Variants in NEDD9 observed in about 807,000 individuals in gnomAD.
The protein encoded by NEDD9 is neural precursor cell expressed, developmentally down-regulated 9.
A neutral mutation model predicts 76.6 loss-of-function variants in NEDD9; 26 were observed. That is an observed-to-expected ratio of 0.34 (90% CI 0.25 to 0.47). The LOEUF is 0.47. Ranked by LOEUF, NEDD9 falls within the 20% of genes least tolerant of loss-of-function variation. The pLI is 1.00. For synonymous variants in NEDD9, 392 were observed against 414.2 expected (o/e 0.95, Z 0.65); for missense variants, 937 against 1,058.5 (o/e 0.89, Z 1.59).
At chr6:11,337,320 G>T (rs569807436) in intron 1 of NEDD9, among the ~76,000 whole-genome samples, 1 of 152,280 alleles carries the variant, frequency 6.6e-6, no homozygotes, top group South Asian at 2.1e-4. Flanking sequence ...AGGAGAAATT[G>T]TACACTCTAA....
chr6:11,261,270 A>G (rs1760108657), intron 3 of NEDD9, among the ~76,000 whole-genome samples: 1 of 152,234 alleles, frequency 6.6e-6, no homozygotes, highest in African/African-American at 2.4e-5. Context: ...ACTCCATAAC[A>G]TAAGCTAAGT....
rs1384341638 is a variant in NEDD9, at chr6:11,213,637, G to T, written c.103C>A (p.Gln35Lys). The T allele has an allele frequency of 1.2e-6, 2 of 1,614,052 alleles. No homozygotes were observed. The highest frequency in any genetic ancestry group is 3.3e-5 in the Admixed American group (2 of 60,002). Reference sequence around the variant, plus strand: ...CATCCTTCCAGTCCCCCTGTGTTCTGCTCTATGACGGTCAGGATGTCTCCC... The same window carrying T: ...CATCCTTCCAGTCCCCCTGTGTTCTTCTCTATGACGGTCAGGATGTCTCCC... The part of the protein sequence containing the change: ...RKGDILTVIE[Q>K]NTGGLEGWWL... Residue 35 changes from glutamine to lysine, a missense_variant, in exon 2 of 7, where the codon CAG becomes AAG. Gln to Lys is a moderately conservative substitution (Grantham distance 53). Coordinates refer to ENST00000379446, the MANE Select transcript of NEDD9 (RefSeq NM_006403.4). The surrounding 1 kb of genome is among the most constrained non-coding windows in gnomAD (Gnocchi z 5.4).
At chr6:11,349,510 G>A (rs903797604) in intron 1 of NEDD9, among the ~76,000 whole-genome samples, 1 of 152,174 alleles carries the variant, frequency 6.6e-6, no homozygotes, top group Non-Finnish European at 1.5e-5. Flanking sequence ...GCCAAGACAT[G>A]GAATCAACCA....
chr6:11,319,439 C>G (rs1193570618), intron 2 of NEDD9, among the ~76,000 whole-genome samples: 1 of 151,876 alleles, frequency 6.6e-6, no homozygotes, highest in Non-Finnish European at 1.5e-5. Context: ...CACACTCACA[C>G]ACTAACATGT....
At chr6:11,310,984 G>C (rs1761347730) in intron 2 of NEDD9, among the ~76,000 whole-genome samples, 2 of 152,060 alleles carry the variant, frequency 1.3e-5, no homozygotes, top group African/African-American at 4.8e-5. Context: ...CCCTCCACCT[G>C]TCACCTGCCA....
intron 2 of NEDD9, among the ~76,000 whole-genome samples, chr6:11,319,520 G>GCACA (rs1554132727): frequency 2.0e-5 from 3 of 146,814 alleles, no homozygotes; most frequent in African/African-American, 5.1e-5. Context: ...ACACTAACAT[G>GCACA]CACACTCACA....
At chr6:11,242,635 A>AT (rs796914532) in intron 3 of NEDD9, among the ~76,000 whole-genome samples, 15 of 149,618 alleles carry the variant, frequency 1.0e-4, no homozygotes, top group African/African-American at 3.7e-4. Context: ...AGCTCTGTGC[A>AT]TTTTTTTTCT....
intron 3 of NEDD9, among the ~76,000 whole-genome samples, chr6:11,302,272 T>A (rs1582009824): frequency 1.3e-5 from 2 of 152,128 alleles, no homozygotes; most frequent in East Asian, 3.9e-4. Flanking sequence ...CTAGAAGAAA[T>A]GGATAAATTC....
At chr6:11,261,394 T>G (rs1325098823) in intron 3 of NEDD9, among the ~76,000 whole-genome samples, 1 of 152,238 alleles carries the variant, frequency 6.6e-6, no homozygotes, top group Non-Finnish European at 1.5e-5. Context: ...CTTTGCATTC[T>G]TAGTGTATGT....
Position 11,192,458 on chromosome 6 carries a change from C to T in NEDD9, c.562-12G>A, listed in dbSNP as rs114582442. 774 of 1,588,492 alleles carry T rather than the reference C, an allele frequency of 4.9e-4. 4 individuals are homozygous for T. The African/African-American group carries it at 9.3e-3, about 19-fold the overall frequency. On this transcript the variant is annotated splice_polypyrimidine_tract_variant and intron_variant, in intron 3 of 6. Transcript: ENST00000379446. ...GGGATGTCGTATACCTGAAGAGAAACCCGTGAGTTACCCAGAATGGAAATG... is the reference window on the plus strand; with the variant it reads ...GGGATGTCGTATACCTGAAGAGAAATCCGTGAGTTACCCAGAATGGAAATG...
At chr6:11,298,900 G>A (rs1294971345) in intron 3 of NEDD9, among the ~76,000 whole-genome samples, 1 of 152,142 alleles carries the variant, frequency 6.6e-6, no homozygotes, top group Non-Finnish European at 1.5e-5. Flanking sequence ...AACAGCTCCA[G>A]TCTGCAGCTC....
At chr6:11,234,146 C>G (rs1759552919), upstream of NEDD9, among the ~76,000 whole-genome samples, 1 of 152,164 alleles carries the variant, frequency 6.6e-6, no homozygotes, top group Non-Finnish European at 1.5e-5. Context: ...CTTGCTTCTC[C>G]TCATTTGTCC....
At chr6:11,232,339 C>T (rs534794780) in intron 1 of NEDD9, among the ~76,000 whole-genome samples, 165 bp downstream of exon 1, 32 of 147,844 alleles carry the variant, frequency 2.2e-4, no homozygotes, top group South Asian at 4.4e-4. Flanking sequence ...AAGACCGGGT[C>T]TCTGCTTGCT....
rs1284674344 is a variant in NEDD9 at position 11,319,615 on chromosome 6, A to ACT, written c.-152-13462_-152-13461dup. Among the ~76,000 whole-genome samples, 34 of 95,814 alleles carry ACT rather than the reference A, an allele frequency of 3.5e-4. 1 individual carries two copies. Among genetic ancestry groups the ACT allele is most frequent in the African/African-American group, 1.5e-3 (34 of 22,746 alleles). The allele number at this position is 95,814 out of a possible 152,430, so 62.9% of individuals were successfully genotyped here. On this transcript the variant is annotated intron_variant, in intron 2 of 3. Coordinates refer to the NEDD9 transcript ENST00000397378. ...GCACACACTAACCATGCACACTCAC[A>ACT]CTCACACACACACACACTAACATGC...
At chr6:11,319,470 TCA>T (rs993503931) in intron 2 of NEDD9, among the ~76,000 whole-genome samples, 5 of 140,864 alleles carry the variant, frequency 3.5e-5, no homozygotes, top group African/African-American at 1.1e-4. Flanking sequence ...TGGTACACAC[TCA>T]CACTAACAAG....
At chr6:11,321,555 A>G (rs1761803840) in intron 2 of NEDD9, among the ~76,000 whole-genome samples, 1 of 152,206 alleles carries the variant, frequency 6.6e-6, no homozygotes, top group Admixed American at 6.5e-5. Flanking sequence ...CTGAAACTCA[A>G]ACTCATCTCA....
chr6:11,208,464 C>T (rs1395896186), intron 2 of NEDD9, among the ~76,000 whole-genome samples: 1 of 152,184 alleles, frequency 6.6e-6, no homozygotes, highest in Non-Finnish European at 1.5e-5. Context: ...ATTCGAGCAG[C>T]AGCGTGTGAG....
intron 3 of NEDD9, chr6:11,249,172 G>A (rs1276041220): frequency 2.2e-6 from 1 of 456,032 alleles, no homozygotes; most frequent in East Asian, 6.9e-5. Flanking sequence ...AAAGCAGATT[G>A]CCCTTCATAA....
At chr6:11,273,473 C>A (rs1215062509) in intron 3 of NEDD9, among the ~76,000 whole-genome samples, 3 of 152,240 alleles carry the variant, frequency 2.0e-5, no homozygotes, top group African/African-American at 7.2e-5. Context: ...CAACCTGAAT[C>A]ATGACAAGTG....
Sources: allele counts gnomAD v4.1 joint callset (sites outside exome capture counted in the v4.1 genomes callset), GRCh38; gene constraint gnomAD v4.1.1; non-coding constraint Gnocchi (gnomAD v3.1); transcripts MANE v1.5; gene names NCBI Gene and HGNC (gene_info 2026-07-23, HGNC 2026-07-21).